LNX2: variants seen among roughly 807,000 people sequenced by gnomAD.
LNX2 encodes the protein ligand of numb-protein X 2, also known as ligand of Numb protein X 2.
In LNX2, 35 loss-of-function variants were observed where a neutral mutation model predicts 66.2. That is an observed-to-expected ratio of 0.53 (90% CI 0.40 to 0.70). The LOEUF (loss-of-function observed/expected upper bound fraction) is 0.70. Among genes scored for constraint, LNX2 ranks in the 30% least tolerant of loss-of-function variants. The pLI is 0.00. For missense variants in LNX2, 791 were observed against 850.8 expected (o/e 0.93, Z 0.87); for synonymous variants, 337 against 315.6 (o/e 1.07, Z -0.72).
chr13:27,589,229 C>T (rs1017113802), intron 1 of LNX2, among the ~76,000 whole-genome samples: 5 of 152,198 alleles, frequency 3.3e-5, no homozygotes, highest in African/African-American at 1.2e-4. Context: ...AGAGCCTCTT[C>T]CTACTGGAAG....
intron 1 of LNX2, among the ~76,000 whole-genome samples, chr13:27,601,458 A>G (rs941654305): frequency 6.6e-6 from 1 of 152,218 alleles, no homozygotes; most frequent in South Asian, 2.1e-4. Context: ...GCCCCAAAGA[A>G]AGACAACTGC....
At chr13:27,613,004 A>C (rs1955788196) in intron 1 of LNX2, among the ~76,000 whole-genome samples, 1 of 152,158 alleles carries the variant, frequency 6.6e-6, no homozygotes, top group South Asian at 2.1e-4. Context: ...GGAGCTAAAC[A>C]AACGTTTACA....
intron 2 of LNX2, among the ~76,000 whole-genome samples, chr13:27,569,899 T>C (rs1012245917): frequency 2.6e-5 from 4 of 152,242 alleles, no homozygotes; most frequent in African/African-American, 9.6e-5. Flanking sequence ...TGATATGCTA[T>C]GTAAACTGAA....
At chr13:27,560,130 A>G in intron 5 of LNX2, 145 bp from the exon 6 acceptor site, 2 of 553,954 alleles carry the variant, frequency 3.6e-6, no homozygotes, top group Non-Finnish European at 5.9e-6. Context: ...TGGTGGCAAG[A>G]GGAATGAGTT....
chr13:27,596,721 CAT>C (rs1382870913), intron 1 of LNX2, among the ~76,000 whole-genome samples: 15 of 152,078 alleles, frequency 9.9e-5, no homozygotes, highest in South Asian at 2.1e-4. Flanking sequence ...GTGATCTGCA[CAT>C]GATTTATGAA....
intron 1 of LNX2, among the ~76,000 whole-genome samples, chr13:27,585,455 T>A (rs1033952057): frequency 6.6e-6 from 1 of 151,124 alleles, no homozygotes; most frequent in Non-Finnish European, 1.5e-5. Context: ...TAAATAAATA[T>A]ATAAAAATAA....
At chr13:27,587,426 T>C (rs1267139340) in intron 1 of LNX2, among the ~76,000 whole-genome samples, 2 of 152,206 alleles carry the variant, frequency 1.3e-5, no homozygotes, top group Admixed American at 1.3e-4. Context: ...TTCCCACTTC[T>C]TAAGACATAT....
At chr13:27,551,271 C>T (rs1390027342) in intron 8 of LNX2, among the ~76,000 whole-genome samples, 1 of 151,330 alleles carries the variant, frequency 6.6e-6, no homozygotes, top group Admixed American at 6.6e-5. Context: ...AGCAAGACCC[C>T]ATCTTTAAAA....
rs74040819 is a variant in LNX2, at chr13:27,595,568, C to T, written c.-100-13765G>A. 3.2e-3 allele frequency among the ~76,000 whole-genome samples: 492 copies of T among 152,292 alleles called. 1 individual carries two copies. The highest frequency in any genetic ancestry group is 0.011 in the African/African-American group (445 of 41,562). Reference sequence around the variant, plus strand: ...ACGACCTCTGCTCTAATTCAGATTCCTACTACTTCCTGATAATCTTCTAAT... The same window carrying T: ...ACGACCTCTGCTCTAATTCAGATTCTTACTACTTCCTGATAATCTTCTAAT... On this transcript the variant is annotated intron_variant, in intron 1 of 9. Transcript: ENST00000316334.
At chr13:27,594,849 C>G (rs1955580084) in intron 1 of LNX2, among the ~76,000 whole-genome samples, 1 of 152,092 alleles carries the variant, frequency 6.6e-6, no homozygotes, top group Admixed American at 6.6e-5. Flanking sequence ...TTCTTCCATT[C>G]CCACCACCTC....
At position 27,583,262 on chromosome 13, in the gene LNX2, G is replaced by GCGCGTC. The variant is rs1555268517; in HGVS notation, c.-100-1460_-100-1459insGACGCG. On this transcript the variant is annotated intron_variant, in intron 1 of 9. Coordinates refer to ENST00000316334, the MANE Select transcript of LNX2 (RefSeq NM_153371.4). ...TGTGTGTGTGTGTGTGTGTGCGCGCGTCCTCTCCAACATACTTATTTTTAA... is the reference window on the plus strand; with the variant it reads ...TGTGTGTGTGTGTGTGTGTGCGCGCGCGCGTCTCCTCTCCAACATACTTATTTTTAA... Among the ~76,000 whole-genome samples the GCGCGTC allele has an allele frequency of 1.5e-4, 2 of 13,408 alleles. 1 individual carries two copies. Among genetic ancestry groups the GCGCGTC allele is most frequent in the Non-Finnish European group, 2.6e-4 (2 of 7,814 alleles). The allele number at this position is 13,408 out of a possible 152,430, so 8.8% of individuals were successfully genotyped here.
chr13:27,562,283 G>A, intron 5 of LNX2, 130 bp downstream of exon 5: 2 of 1,136,434 alleles, frequency 1.8e-6, no homozygotes, highest in Middle Eastern at 3.1e-4. Flanking sequence ...AAGAATTCAG[G>A]TAGCCACACC....
intron 4 of LNX2, among the ~76,000 whole-genome samples, chr13:27,565,259 T>TA (rs1192354245): frequency 1.3e-5 from 2 of 152,064 alleles, no homozygotes; most frequent in African/African-American, 4.8e-5. Flanking sequence ...AATGTATTAG[T>TA]AAAAAAACTT....
chr13:27,569,339 G>C (rs1243274736), intron 2 of LNX2, 63 bp from the exon 3 acceptor site: 2 of 1,548,104 alleles, frequency 1.3e-6, no homozygotes, highest in African/African-American at 1.4e-5. Flanking sequence ...AATAAAATAG[G>C]GAGGGGGACT....
intron 1 of LNX2, among the ~76,000 whole-genome samples, chr13:27,587,215 C>G (rs1395050729): frequency 6.6e-6 from 1 of 152,104 alleles, no homozygotes; most frequent in Non-Finnish European, 1.5e-5. Flanking sequence ...CCCTACCTCT[C>G]AAGTCCCCCT....
At chr13:27,613,161 A>C (rs1955790536) in intron 1 of LNX2, among the ~76,000 whole-genome samples, 1 of 152,184 alleles carries the variant, frequency 6.6e-6, no homozygotes, top group Admixed American at 6.5e-5. Flanking sequence ...ACAACACAAA[A>C]GACAAGTCCA....
At position 27,548,420 on chromosome 13, in the gene LNX2, C is replaced by G. The variant is rs151176870; in HGVS notation, c.1988G>C (p.Ser663Thr). The G allele has an allele frequency of 1.2e-6, 2 of 1,614,122 alleles. No individual in the cohort carries two copies. Among genetic ancestry groups the G allele is most frequent in the Admixed American group, 3.3e-5 (2 of 60,020 alleles). The change falls in exon 10 of 10, where the codon AGC (serine) becomes ACC (threonine). Residue 663 changes from serine (S) to threonine (T), a missense_variant. By Grantham distance (58) the Ser-to-Thr change is moderately conservative. Transcript: ENST00000316334. Reference sequence around the variant, plus strand: ...CAACATGGGAACTAGTGCAGAGTGGCTCATGCCCACGGTTGACAGCCCATT... The same window carrying G: ...CAACATGGGAACTAGTGCAGAGTGGGTCATGCCCACGGTTGACAGCCCATT... ...AVNGLSTVGM[S>T]HSALVPMLKE...
At chr13:27,552,269 G>C (rs1265525347) in intron 8 of LNX2, among the ~76,000 whole-genome samples, 3 of 152,218 alleles carry the variant, frequency 2.0e-5, no homozygotes, top group South Asian at 2.1e-4. Flanking sequence ...CCCATCATTA[G>C]AGGTGCAGAC....
At chr13:27,593,432 C>G (rs929968688) in intron 1 of LNX2, among the ~76,000 whole-genome samples, 2 of 152,144 alleles carry the variant, frequency 1.3e-5, no homozygotes, top group African/African-American at 4.8e-5. Context: ...CCATCAGCCA[C>G]AGAGACTAGT....
Sources: gnomAD v4.1 joint callset for allele counts (sites outside exome capture counted in the v4.1 genomes callset) on GRCh38, gnomAD v4.1.1 for gene constraint, MANE v1.5 for transcripts, NCBI Gene and HGNC (gene_info 2026-07-23, HGNC 2026-07-21) for gene names.